The following CHL1 variants were observed in gnomAD, a reference collection of about 807,000 sequenced individuals.
CHL1 encodes the protein cell adhesion molecule L1 like.
CHL1 carries 96 observed loss-of-function variants against 141.9 expected under a neutral mutation model. The observed-to-expected ratio is 0.68, with a 90% CI of 0.57 to 0.80. The LOEUF is 0.80. Among genes scored for constraint, CHL1 ranks in the 30% least tolerant of loss-of-function variants. The pLI is 0.00. For missense variants in CHL1, 1,820 were observed against 1,457.2 expected (o/e 1.25, Z -4.05); for synonymous variants, 613 against 502.2 (o/e 1.22, Z -2.95).
At chr3:306,557 T>C (rs1193031937) in intron 2 of CHL1, among the ~76,000 whole-genome samples, 1 of 152,186 alleles carries the variant, frequency 6.6e-6, no homozygotes, top group Non-Finnish European at 1.5e-5. Flanking sequence ...GGGATGTTTC[T>C]GTGAACTACA....
intron 23 of CHL1, among the ~76,000 whole-genome samples, chr3:394,411 G>T (rs1003589286): frequency 2.0e-5 from 3 of 152,106 alleles, no homozygotes; most frequent in African/African-American, 7.2e-5. Context: ...GATTAAAGAC[G>T]TTTCTCTGGG....
At chr3:283,739 C>A (rs973591141) in intron 2 of CHL1, among the ~76,000 whole-genome samples, 1 of 152,128 alleles carries the variant, frequency 6.6e-6, no homozygotes, top group Non-Finnish European at 1.5e-5. Context: ...CCATCATCCC[C>A]GGCATCTCAA....
intron 1 of CHL1, among the ~76,000 whole-genome samples, chr3:201,695 A>G (rs1286719479): frequency 6.6e-6 from 1 of 152,186 alleles, no homozygotes; most frequent in East Asian, 1.9e-4. Context: ...AGAATGATAA[A>G]TGCATTGAAC....
At chr3:339,086 G>A (rs945855754) in intron 5 of CHL1, among the ~76,000 whole-genome samples, 1 of 152,068 alleles carries the variant, frequency 6.6e-6, no homozygotes, top group Non-Finnish European at 1.5e-5. Flanking sequence ...TTCCTCTGCT[G>A]CCTCTTGTAT....
intron 9 of CHL1, among the ~76,000 whole-genome samples, chr3:345,528 T>G (rs949670430): frequency 6.6e-5 from 10 of 151,934 alleles, no homozygotes; most frequent in South Asian, 2.1e-4. Flanking sequence ...CTGTCACCCA[T>G]GCTGGAGTGC....
chr3:325,386 T>C (rs1700925235), intron 3 of CHL1, among the ~76,000 whole-genome samples: 1 of 151,902 alleles, frequency 6.6e-6, no homozygotes, highest in Non-Finnish European at 1.5e-5. Context: ...AAATTTATCA[T>C]AAATCAGTAA....
At chr3:399,401 G>T (rs1575298058) in intron 26 of CHL1, among the ~76,000 whole-genome samples, 1 of 152,128 alleles carries the variant, frequency 6.6e-6, no homozygotes, top group Admixed American at 6.6e-5. Flanking sequence ...CAGCAGTTTG[G>T]GAGGCCGAGG....
intron 2 of CHL1, among the ~76,000 whole-genome samples, chr3:311,528 C>T (rs1201544419): frequency 1.3e-5 from 2 of 152,088 alleles, no homozygotes; most frequent in African/African-American, 2.4e-5. Context: ...AATAGCACTG[C>T]CCAGTCATGT....
chr3:254,239 G>C (rs1693956230), intron 2 of CHL1, among the ~76,000 whole-genome samples: 2 of 152,142 alleles, frequency 1.3e-5, no homozygotes, highest in South Asian at 4.2e-4. Context: ...CATCAGCTCA[G>C]CTCTGGACAA....
chr3:383,956 A>AGTTAGCATG, intron 19 of CHL1, 70 bp downstream of exon 19: 1 of 965,472 alleles, frequency 1.0e-6, no homozygotes, highest in Non-Finnish European at 1.6e-6. Flanking sequence ...CATGCTAACT[A>AGTTAGCATG]CAATGATAGC....
intron 15 of CHL1, among the ~76,000 whole-genome samples, chr3:371,667 T>C: frequency 6.6e-6 from 1 of 152,356 alleles, no homozygotes; most frequent in East Asian, 1.9e-4. Flanking sequence ...TTTGGTCATT[T>C]TGCTCATTAG....
chr3:328,932 G>A (rs1701223427), intron 5 of CHL1, among the ~76,000 whole-genome samples: 2 of 152,140 alleles, frequency 1.3e-5, no homozygotes, highest in Non-Finnish European at 1.5e-5. Context: ...GGCAAAGCAA[G>A]TTGCATAGTC....
intron 10 of CHL1, among the ~76,000 whole-genome samples, chr3:353,650 T>C (rs1703456649): frequency 6.6e-6 from 1 of 152,266 alleles, no homozygotes; most frequent in Non-Finnish European, 1.5e-5. Flanking sequence ...CCTTTTTACA[T>C]AATCCTCTTT....
At chr3:336,200 A>T (rs565997240) in intron 5 of CHL1, among the ~76,000 whole-genome samples, 1 of 152,182 alleles carries the variant, frequency 6.6e-6, no homozygotes, top group Non-Finnish European at 1.5e-5. Context: ...CATGCTACAG[A>T]TGAGCAAAAA....
At chr3:385,078 A>C (rs1363045930) in intron 19 of CHL1, among the ~76,000 whole-genome samples, 1 of 152,238 alleles carries the variant, frequency 6.6e-6, no homozygotes, top group African/African-American at 2.4e-5. Context: ...GTGTGGTTAT[A>C]GTTACTACTA....
chr3:328,803 T>C (rs551686475), intron 5 of CHL1, among the ~76,000 whole-genome samples: 2 of 152,272 alleles, frequency 1.3e-5, no homozygotes, highest in African/African-American at 4.8e-5. Context: ...TTGCCTCTTG[T>C]GAAACATGCC....
At chr3:275,957 A>G (rs942629185) in intron 2 of CHL1, among the ~76,000 whole-genome samples, 1 of 152,098 alleles carries the variant, frequency 6.6e-6, no homozygotes, top group African/African-American at 2.4e-5. Context: ...AATCCTTAAA[A>G]CCCTTTTAAC....
chr3:326,269 T>C (rs943313105), intron 4 of CHL1, among the ~76,000 whole-genome samples: 2 of 152,046 alleles, frequency 1.3e-5, no homozygotes, highest in African/African-American at 4.8e-5. Context: ...ATTTTGACCA[T>C]AAACTAAGGG....
intron 11 of CHL1, among the ~76,000 whole-genome samples, chr3:359,887 G>C (rs1704058433): frequency 6.6e-6 from 1 of 152,198 alleles, no homozygotes. Flanking sequence ...CTGGTAGCTA[G>C]GGAGATCGTG....
Sources: gnomAD v4.1 joint callset for allele counts (sites outside exome capture counted in the v4.1 genomes callset) on GRCh38, gnomAD v4.1.1 for gene constraint, MANE v1.5 for transcripts, NCBI Gene and HGNC (gene_info 2026-07-23, HGNC 2026-07-21) for gene names.